Variants in DENND1A observed in about 807,000 individuals in gnomAD.
DENND1A encodes DENN domain containing 1A.
In DENND1A, 51 loss-of-function variants were observed where a neutral mutation model predicts 113.7. That is an observed-to-expected ratio of 0.45 (90% CI 0.36 to 0.57). DENND1A has a LOEUF of 0.57. Among genes scored for constraint, DENND1A ranks in the 20% least tolerant of loss-of-function variants. The probability of loss-of-function intolerance (pLI) is 0.00; values close to 1 mark genes in which losing one functional copy is unlikely to be tolerated. For missense variants in DENND1A, 1,258 were observed against 1,395.9 expected (o/e 0.90, Z 1.57); for synonymous variants, 565 against 570.8 (o/e 0.99, Z 0.14).
intron 5 of DENND1A, among the ~76,000 whole-genome samples, chr9:123,728,111 A>C (rs112126578): frequency 0.2 from 30,883 of 151,390 alleles, 3,393 homozygotes; most frequent in African/African-American, 0.29. Context: ...GTCTCAAAAA[A>C]AAAAAAAGAA....
intron 19 of DENND1A, among the ~76,000 whole-genome samples, chr9:123,427,097 C>T (rs2045793770): frequency 6.6e-6 from 1 of 152,214 alleles, no homozygotes; most frequent in African/African-American, 2.4e-5. Flanking sequence ...GGAGACCACC[C>T]TGAGGACCAA....
intron 19 of DENND1A, among the ~76,000 whole-genome samples, chr9:123,418,380 T>A (rs1279309222): frequency 6.6e-6 from 1 of 152,224 alleles, no homozygotes. Flanking sequence ...CAGGTGAGTA[T>A]GCTCATTGGA....
chr9:123,816,293 C>T (rs571260986), intron 2 of DENND1A, among the ~76,000 whole-genome samples: 34 of 152,206 alleles, frequency 2.2e-4, no homozygotes, highest in African/African-American at 6.3e-4. Context: ...TGAGCCACCA[C>T]GCCCAGCTGA....
intron 11 of DENND1A, among the ~76,000 whole-genome samples, chr9:123,607,486 G>GAC (rs1337200533): frequency 2.0e-4 from 17 of 86,352 alleles, no homozygotes; most frequent in African/African-American, 7.8e-4. Flanking sequence ...CACAGAGAGA[G>GAC]AGACACACAC....
chr9:123,673,806 C>G (rs916144892), intron 6 of DENND1A, among the ~76,000 whole-genome samples: 4 of 152,190 alleles, frequency 2.6e-5, no homozygotes, highest in Admixed American at 2.0e-4. Context: ...CTCTACATAT[C>G]TGTGACTTCA....
intron 13 of DENND1A, among the ~76,000 whole-genome samples, chr9:123,546,043 G>A (rs537054789): frequency 6.6e-6 from 1 of 152,234 alleles, no homozygotes; most frequent in Non-Finnish European, 1.5e-5. Context: ...CATGACTATA[G>A]TCCTCTCTTG....
At chr9:123,473,058 G>A (rs542409715) in intron 13 of DENND1A, among the ~76,000 whole-genome samples, 65 of 152,272 alleles carry the variant, frequency 4.3e-4, no homozygotes, top group Non-Finnish European at 2.2e-4. Flanking sequence ...CCTGGCTGCC[G>A]GTCAGATCCT....
intron 12 of DENND1A, among the ~76,000 whole-genome samples, chr9:123,568,822 G>C (rs1020786890): frequency 2.0e-5 from 3 of 152,150 alleles, no homozygotes; most frequent in African/African-American, 7.2e-5. Flanking sequence ...AAACAGGAAG[G>C]GGGGTGGGAA....
intron 19 of DENND1A, chr9:123,414,646 C>T: frequency 6.5e-7 from 1 of 1,538,212 alleles, no homozygotes; most frequent in East Asian, 2.4e-5. Flanking sequence ...CCAAACCAGG[C>T]AAAAACCTAT....
chr9:123,497,400 C>T (rs1465036093), intron 13 of DENND1A, among the ~76,000 whole-genome samples: 2 of 152,200 alleles, frequency 1.3e-5, no homozygotes, highest in Admixed American at 1.3e-4. Context: ...TTGCTGTAGC[C>T]TCAAACTCCT....
At chr9:123,629,002 T>C (rs748813308) in intron 10 of DENND1A, among the ~76,000 whole-genome samples, 1 of 152,212 alleles carries the variant, frequency 6.6e-6, no homozygotes, top group South Asian at 2.1e-4. Flanking sequence ...CTGAGTTATG[T>C]CCTTGTTATC....
intron 13 of DENND1A, among the ~76,000 whole-genome samples, chr9:123,471,151 C>T (rs2049383887): frequency 6.6e-6 from 1 of 152,198 alleles, no homozygotes; most frequent in African/African-American, 2.4e-5. Flanking sequence ...CACAACCTCT[C>T]ATAGAGAAAT....
intron 5 of DENND1A, among the ~76,000 whole-genome samples, chr9:123,693,942 C>T (rs530420480): frequency 9.2e-5 from 14 of 151,502 alleles, no homozygotes; most frequent in African/African-American, 3.4e-4. Context: ...ATCCTCCTGC[C>T]TTAGCCTCCC....
At chr9:123,554,069 A>T (rs1377275780) in intron 13 of DENND1A, among the ~76,000 whole-genome samples, 1 of 152,126 alleles carries the variant, frequency 6.6e-6, no homozygotes, top group East Asian at 1.9e-4. Flanking sequence ...TATTTTTATA[A>T]CCAGAGAAAC....
At chr9:123,808,049 A>G (rs1590172393) in intron 2 of DENND1A, among the ~76,000 whole-genome samples, 1 of 152,180 alleles carries the variant, frequency 6.6e-6, no homozygotes, top group Admixed American at 6.5e-5. Context: ...AACATGGTGA[A>G]ACCACGTCTC....
At chr9:123,624,713 G>C (rs1300679158) in intron 10 of DENND1A, among the ~76,000 whole-genome samples, 1 of 152,188 alleles carries the variant, frequency 6.6e-6, no homozygotes, top group African/African-American at 2.4e-5. Context: ...AGCCTTCCTT[G>C]CCAAGTCTTC....
chr9:123,893,909 T>C (rs993167036), intron 1 of DENND1A, among the ~76,000 whole-genome samples: 1 of 152,188 alleles, frequency 6.6e-6, no homozygotes, highest in African/African-American at 2.4e-5. Context: ...ACTTAAGAGA[T>C]ATTTGCTGAA....
At chr9:123,487,462 T>C (rs1344909762) in intron 13 of DENND1A, among the ~76,000 whole-genome samples, 1 of 152,212 alleles carries the variant, frequency 6.6e-6, no homozygotes, top group African/African-American at 2.4e-5. Context: ...TCACAGTTCT[T>C]GGTTTTCTCC....
intron 1 of DENND1A, among the ~76,000 whole-genome samples, chr9:123,927,191 G>T (rs1304898735): frequency 6.6e-6 from 1 of 152,226 alleles, no homozygotes; most frequent in African/African-American, 2.4e-5. Flanking sequence ...TAAAAGAGAA[G>T]TCTGATCAAA....
Sources: gnomAD v4.1 joint callset for allele counts (sites outside exome capture counted in the v4.1 genomes callset) on GRCh38, gnomAD v4.1.1 for gene constraint, MANE v1.5 for transcripts, NCBI Gene and HGNC (gene_info 2026-07-23, HGNC 2026-07-21) for gene names.